The following HPSE2 variants were observed in gnomAD, a reference collection of about 807,000 sequenced individuals.
HPSE2 encodes inactive heparanase-2.
HPSE2 carries 38 observed loss-of-function variants against 60.5 expected under a neutral mutation model. That is an observed-to-expected ratio of 0.63 (90% CI 0.48 to 0.82). The LOEUF (loss-of-function observed/expected upper bound fraction) is 0.82, where lower values mean the gene tolerates loss of function less well. Ranked by LOEUF, HPSE2 falls within the 40% of genes least tolerant of loss-of-function variation. HPSE2 has a pLI of 0.00. For missense variants in HPSE2, 713 were observed against 740.4 expected (o/e 0.96, Z 0.43); for synonymous variants, 295 against 293.2 (o/e 1.01, Z -0.06).
intron 3 of HPSE2, among the ~76,000 whole-genome samples, chr10:98,795,022 AG>A (rs1950745683): frequency 1.1e-5 from 1 of 89,730 alleles, no homozygotes; most frequent in South Asian, 4.9e-4. Flanking sequence ...GAGAGAGAGA[AG>A]GAAGGAAGGA....
chr10:98,475,259 A>G (rs1041763484), intron 11 of HPSE2, among the ~76,000 whole-genome samples: 1 of 151,924 alleles, frequency 6.6e-6, no homozygotes, highest in African/African-American at 2.4e-5. Context: ...CTGGAACTAC[A>G]GGCACCCGCC....
intron 9 of HPSE2, among the ~76,000 whole-genome samples, chr10:98,588,668 G>C (rs1242963313): frequency 6.6e-6 from 1 of 152,014 alleles, no homozygotes; most frequent in Non-Finnish European, 1.5e-5. Context: ...ATGCTCAACA[G>C]CAGGCACCGA....
At chr10:99,215,757 T>C (rs539382155) in intron 2 of HPSE2, among the ~76,000 whole-genome samples, 7 of 152,342 alleles carry the variant, frequency 4.6e-5, no homozygotes, top group Non-Finnish European at 8.8e-5. Flanking sequence ...GGAAAAGTTA[T>C]GAGGAAACGG....
chr10:99,022,502 G>A (rs1340224643), intron 3 of HPSE2, among the ~76,000 whole-genome samples: 1 of 152,132 alleles, frequency 6.6e-6, no homozygotes, highest in African/African-American at 2.4e-5. Context: ...GTGACATACT[G>A]AGACACAAGC....
Position 99,202,965 on chromosome 10 carries a change from C to G in HPSE2, c.448+29383G>C, listed in dbSNP as rs147255198. ...AAGGAAGTGAGCAATCCGACTTTGC[C>G]TTGGACCCTGAAACTGGGCCCTCCT... On this transcript the variant is annotated intron_variant, in intron 2 of 11. Transcript: ENST00000370552. 7.1e-3 allele frequency among the ~76,000 whole-genome samples: 1,081 copies of G among 152,292 alleles called. 13 individuals are homozygous for G. The highest frequency in any genetic ancestry group is 9.5e-3 in the Admixed American group (146 of 15,302).
intron 3 of HPSE2, among the ~76,000 whole-genome samples, chr10:99,094,133 A>G (rs371602073): frequency 6.6e-6 from 1 of 152,026 alleles, no homozygotes; most frequent in African/African-American, 2.4e-5. Context: ...AGTTGCTTAT[A>G]TTTTCCATTT....
At chr10:99,197,087 A>T (rs1447385131) in intron 2 of HPSE2, among the ~76,000 whole-genome samples, 3 of 152,196 alleles carry the variant, frequency 2.0e-5, no homozygotes, top group Non-Finnish European at 4.4e-5. Context: ...GGATGGAAAT[A>T]GAAATCATTA....
At chr10:99,199,829 G>A (rs1848516966) in intron 2 of HPSE2, among the ~76,000 whole-genome samples, 1 of 152,124 alleles carries the variant, frequency 6.6e-6, no homozygotes, top group South Asian at 2.1e-4. Context: ...AACAGACATT[G>A]AGATTCTGAT....
intron 3 of HPSE2, among the ~76,000 whole-genome samples, chr10:99,044,289 C>T (rs1435248136): frequency 2.6e-5 from 4 of 152,192 alleles, no homozygotes; most frequent in Admixed American, 2.6e-4. Context: ...TAAAATCCTT[C>T]TCAGACAAGC....
intron 5 of HPSE2, among the ~76,000 whole-genome samples, chr10:98,715,401 A>T (rs1948767095): frequency 6.6e-6 from 1 of 151,996 alleles, no homozygotes; most frequent in Admixed American, 6.6e-5. Context: ...TACCAATTAC[A>T]GATTTTTATT....
intron 9 of HPSE2, among the ~76,000 whole-genome samples, chr10:98,534,565 C>T (rs186672654): frequency 1.2e-3 from 179 of 152,188 alleles, no homozygotes; most frequent in African/African-American, 4.1e-3. Flanking sequence ...CCACCACACC[C>T]GACTAATTTT....
intron 3 of HPSE2, among the ~76,000 whole-genome samples, chr10:99,088,089 C>T (rs192991453): frequency 1.3e-5 from 2 of 151,914 alleles, no homozygotes; most frequent in Admixed American, 1.3e-4. Context: ...TGGATTTTTA[C>T]CCATGATACT....
intron 7 of HPSE2, among the ~76,000 whole-genome samples, chr10:98,638,908 A>C (rs1303359443): frequency 6.6e-6 from 1 of 152,250 alleles, no homozygotes; most frequent in African/African-American, 2.4e-5. Context: ...CTTAAAGCCT[A>C]CTAAATGAAA....
At chr10:98,579,113 G>A (rs777416109) in intron 9 of HPSE2, among the ~76,000 whole-genome samples, 7 of 152,090 alleles carry the variant, frequency 4.6e-5, no homozygotes, top group South Asian at 2.1e-4. Flanking sequence ...GATGGAGAAC[G>A]AAGAATGGCA....
chr10:99,035,063 C>A (rs1245496032), intron 3 of HPSE2, among the ~76,000 whole-genome samples: 2 of 152,154 alleles, frequency 1.3e-5, no homozygotes, highest in African/African-American at 4.8e-5. Context: ...AAACACTGTA[C>A]ACTTAGGGTA....
intron 7 of HPSE2, among the ~76,000 whole-genome samples, chr10:98,626,510 T>C (rs962422909): frequency 6.6e-6 from 1 of 152,156 alleles, no homozygotes; most frequent in African/African-American, 2.4e-5. Flanking sequence ...TACCATTCCA[T>C]TGCAGGGCCA....
At chr10:99,057,546 C>T (rs1335608368) in intron 3 of HPSE2, among the ~76,000 whole-genome samples, 1 of 152,138 alleles carries the variant, frequency 6.6e-6, no homozygotes, top group Non-Finnish European at 1.5e-5. Flanking sequence ...CCCACCTGAC[C>T]TCTGTGGAGA....
At chr10:99,305,953 T>TCA in the HPSE2 span, among the ~76,000 whole-genome samples, 23 of 24,812 alleles carry the variant, frequency 9.3e-4, 1 homozygote, top group African/African-American at 1.1e-3. Context: ...ATATCCAAAC[T>TCA]CACACACACG....
At chr10:99,071,655 G>A (rs1455731493) in intron 3 of HPSE2, among the ~76,000 whole-genome samples, 1 of 152,178 alleles carries the variant, frequency 6.6e-6, no homozygotes, top group African/African-American at 2.4e-5. Flanking sequence ...CCAATGACAT[G>A]AAGGTTTCCT....
Sources: gnomAD v4.1 joint callset for allele counts (sites outside exome capture counted in the v4.1 genomes callset) on GRCh38, gnomAD v4.1.1 for gene constraint, MANE v1.5 for transcripts, NCBI Gene and HGNC (gene_info 2026-07-23, HGNC 2026-07-21) for gene names.